KSR2: variants seen among roughly 807,000 people sequenced by gnomAD.
KSR2 encodes kinase suppressor of ras 2.
Under a neutral mutation model 107.8 loss-of-function variants are expected in KSR2, and 25 were observed. The observed-to-expected ratio is 0.23, with a 90% CI of 0.17 to 0.32. KSR2 has a LOEUF of 0.32. KSR2 is among the 10% of genes least tolerant of loss of function. KSR2 has a pLI of 1.00. For synonymous variants in KSR2, 480 were observed against 507.0 expected, an observed-to-expected ratio of 0.95 and a Z score of 0.71; for missense variants, 887 against 1,268.9, an observed-to-expected ratio of 0.70 and a Z score of 4.57.
At chr12:117,899,927 A>C (rs1322317950) in intron 1 of KSR2, among the ~76,000 whole-genome samples, 1 of 152,228 alleles carries the variant, frequency 6.6e-6, no homozygotes, top group Non-Finnish European at 1.5e-5. Context: ...CAGTGGTAAG[A>C]AGCTGGGGCC....
chr12:117,553,150 G>A (rs796253549), intron 9 of KSR2, among the ~76,000 whole-genome samples: 4 of 152,350 alleles, frequency 2.6e-5, no homozygotes, highest in African/African-American at 9.6e-5. Flanking sequence ...AGGAAGCCCT[G>A]GCTGGCTGCC....
chr12:117,767,558 G>A (rs1003960921), intron 3 of KSR2, among the ~76,000 whole-genome samples: 15 of 151,936 alleles, frequency 9.9e-5, no homozygotes, highest in Admixed American at 2.6e-4. Flanking sequence ...CCAGCACTTC[G>A]GAAGGCCAAG....
At chr12:117,723,041 C>T (rs576657620) in intron 4 of KSR2, among the ~76,000 whole-genome samples, 1 of 152,252 alleles carries the variant, frequency 6.6e-6, no homozygotes, top group African/African-American at 2.4e-5. Flanking sequence ...CAAAGGGGTG[C>T]CATTCAGGAA....
intron 5 of KSR2, among the ~76,000 whole-genome samples, chr12:117,624,805 T>C (rs1449684379): frequency 2.0e-5 from 3 of 152,206 alleles, no homozygotes; most frequent in Non-Finnish European, 2.9e-5. Context: ...AGCATGGCCA[T>C]TTTCATGATA....
At chr12:117,858,924 T>C (rs139384713) in intron 2 of KSR2, among the ~76,000 whole-genome samples, 21 of 152,336 alleles carry the variant, frequency 1.4e-4, no homozygotes, top group African/African-American at 4.6e-4. Flanking sequence ...GCATGAAAGA[T>C]GCAGTGATGT....
intron 5 of KSR2, among the ~76,000 whole-genome samples, chr12:117,583,461 ATGGG>A (rs1409076017): frequency 7.2e-5 from 10 of 139,706 alleles, no homozygotes; most frequent in African/African-American, 2.4e-4. Context: ...GGATGGATGG[ATGGG>A]TGAATGGAAA....
At chr12:117,628,651 C>T (rs931287701) in intron 5 of KSR2, among the ~76,000 whole-genome samples, 3 of 152,192 alleles carry the variant, frequency 2.0e-5, no homozygotes, top group African/African-American at 7.2e-5. Flanking sequence ...TTAGGCTACA[C>T]GGGAGTCAGG....
At chr12:117,469,394 G>A (rs773999232) in intron 19 of KSR2, among the ~76,000 whole-genome samples, 23 of 152,032 alleles carry the variant, frequency 1.5e-4, no homozygotes, top group Admixed American at 6.5e-5. Context: ...CAGACTCATC[G>A]GGGCATCAAT....
At chr12:117,753,622 T>C (rs1264378487) in intron 4 of KSR2, among the ~76,000 whole-genome samples, 2 of 152,004 alleles carry the variant, frequency 1.3e-5, no homozygotes, top group Admixed American at 6.6e-5. Context: ...TGAGAACACA[T>C]GGACACATAG....
At chr12:117,602,016 ATAGGCG>A in intron 5 of KSR2, among the ~76,000 whole-genome samples, 1 of 152,358 alleles carries the variant, frequency 6.6e-6, no homozygotes, top group East Asian at 1.9e-4. Flanking sequence ...GCAAGCAGCC[ATAGGCG>A]GTATGCAAAT....
At position 117,958,038 on chromosome 12, in the gene KSR2, G is replaced by A. The variant is rs142185246; in HGVS notation, c.180+10038C>T. Among the ~76,000 whole-genome samples, 725 of 152,148 alleles carry A rather than the reference G, an allele frequency of 4.8e-3. 8 individuals are homozygous for A. The highest frequency in any genetic ancestry group is 0.016 in the African/African-American group (684 of 41,542). ...AGTAGAGACGGGGTTTCGCCATGTTGGCCAAGCTGGTCTTGAACTCCTGGC... is the reference window on the plus strand; with the variant it reads ...AGTAGAGACGGGGTTTCGCCATGTTAGCCAAGCTGGTCTTGAACTCCTGGC... On this transcript the variant is annotated intron_variant, in intron 1 of 19. Transcript: ENST00000339824.
At chr12:117,597,043 T>C (rs1309926864) in intron 5 of KSR2, among the ~76,000 whole-genome samples, 1 of 152,228 alleles carries the variant, frequency 6.6e-6, no homozygotes, top group Non-Finnish European at 1.5e-5. Flanking sequence ...TGCCTTCTTT[T>C]TCTTTCCTAC....
intron 5 of KSR2, among the ~76,000 whole-genome samples, chr12:117,631,864 A>G (rs536740797): frequency 5.3e-5 from 8 of 152,358 alleles, no homozygotes; most frequent in African/African-American, 1.4e-4. Context: ...ATTGCAAAGC[A>G]TAGAGTCCCC....
Position 117,826,811 on chromosome 12 carries a change from G to A in KSR2, c.472+28617C>T, listed in dbSNP as rs1002856078. ...GTTTCAACATCATGGACAGCTGGGC[G>A]CAGTGGCTCATGCCTGTAATCCCAG... is the stretch of plus-strand genomic sequence containing the variant. On this transcript the variant is annotated intron_variant, in intron 3 of 19. Coordinates refer to ENST00000339824, the MANE Select transcript of KSR2 (RefSeq NM_173598.6). Among the ~76,000 whole-genome samples the A allele has an allele frequency of 3.9e-5, 6 of 152,034 alleles. 1 individual carries two copies. The highest frequency in any genetic ancestry group is 2.0e-4 in the Admixed American group (3 of 15,256).
At chr12:117,561,619 G>A (rs1251834320) in intron 7 of KSR2, among the ~76,000 whole-genome samples, 2 of 152,156 alleles carry the variant, frequency 1.3e-5, no homozygotes, top group African/African-American at 4.8e-5. Context: ...GTAGGTGTGG[G>A]TAAAGTAGAA....
intron 1 of KSR2, among the ~76,000 whole-genome samples, chr12:117,868,422 C>CAA (rs200898458): frequency 5.6e-5 from 7 of 125,896 alleles, no homozygotes; most frequent in Admixed American, 2.4e-4. Context: ...GACTCTGTCT[C>CAA]AAAAAAAAAA....
At chr12:117,776,986 A>G (rs113574148) in intron 3 of KSR2, among the ~76,000 whole-genome samples, 6,072 of 151,406 alleles carry the variant, frequency 0.04, 171 homozygotes, top group East Asian at 0.09. Context: ...ATATGTGGTT[A>G]GGTTCCTGCG....
chr12:117,951,762 C>T (rs1333716702), intron 1 of KSR2, among the ~76,000 whole-genome samples: 2 of 152,178 alleles, frequency 1.3e-5, no homozygotes, highest in Non-Finnish European at 2.9e-5. Flanking sequence ...GGACTGGCCT[C>T]ATTCCCTCTT....
chr12:117,559,041 AGGATGGATGGATGGATGGATGGATGGAT>A (rs59506127), intron 7 of KSR2, among the ~76,000 whole-genome samples: 1 of 145,336 alleles, frequency 6.9e-6, no homozygotes, highest in Non-Finnish European at 1.5e-5. Context: ...GATGGATGGA[AGGATGGATGGATGGATGGATGGATGGAT>A]GGATGGATGG....
Sources: gnomAD v4.1 joint callset for allele counts (sites outside exome capture counted in the v4.1 genomes callset) on GRCh38, gnomAD v4.1.1 for gene constraint, MANE v1.5 for transcripts, NCBI Gene and HGNC (gene_info 2026-07-23, HGNC 2026-07-21) for gene names.